The following AGBL1 variants were observed in gnomAD, a reference collection of about 807,000 sequenced individuals.
AGBL1 encodes AGBL carboxypeptidase 1.
Under a neutral mutation model 118.9 loss-of-function variants are expected in AGBL1, and 130 were observed. The observed-to-expected ratio is 1.09, with a 90% confidence interval of 0.95 to 1.26. AGBL1 has a LOEUF of 1.26. Among genes scored for constraint, AGBL1 ranks in the 50% most tolerant of loss-of-function variants. The probability of loss-of-function intolerance (pLI) is 0.00; values close to 1 mark genes in which losing one functional copy is unlikely to be tolerated. For synonymous variants in AGBL1, 555 were observed against 478.9 expected (o/e 1.16, Z -2.08); for missense variants, 1,584 against 1,298.1 (o/e 1.22, Z -3.38).
At chr15:86,709,552 A>C (rs569365956) in intron 22 of AGBL1, among the ~76,000 whole-genome samples, 1 of 152,292 alleles carries the variant, frequency 6.6e-6, no homozygotes, top group East Asian at 1.9e-4. Flanking sequence ...AATGATGCAA[A>C]GACATTCAAC....
chr15:86,683,728 A>G (rs2086003574), intron 22 of AGBL1, among the ~76,000 whole-genome samples: 1 of 152,180 alleles, frequency 6.6e-6, no homozygotes, highest in Non-Finnish European at 1.5e-5. Flanking sequence ...ACTACTCTCT[A>G]TAGCAACTGC....
At chr15:86,413,795 T>G (rs1198208908) in intron 18 of AGBL1, among the ~76,000 whole-genome samples, 1 of 152,170 alleles carries the variant, frequency 6.6e-6, no homozygotes. Flanking sequence ...ATGGATAGTT[T>G]GCAAATATTT....
chr15:86,392,192 ACT>A (rs1461756504), intron 17 of AGBL1, among the ~76,000 whole-genome samples: 1 of 151,074 alleles, frequency 6.6e-6, no homozygotes, highest in African/African-American at 2.5e-5. Flanking sequence ...TCTGTGATGC[ACT>A]CTGTCGTCTA....
intron 21 of AGBL1, among the ~76,000 whole-genome samples, chr15:86,600,585 A>T (rs1175471422): frequency 6.6e-6 from 1 of 152,062 alleles, no homozygotes; most frequent in African/African-American, 2.4e-5. Context: ...CTGTCACCCA[A>T]ACAATCTGCT....
At chr15:86,970,585 G>C (rs2081097105) in intron 23 of AGBL1, among the ~76,000 whole-genome samples, 2 of 151,968 alleles carry the variant, frequency 1.3e-5, no homozygotes, top group African/African-American at 4.8e-5. Flanking sequence ...TATTTTCAGA[G>C]TTAGTTTTCT....
intron 17 of AGBL1, among the ~76,000 whole-genome samples, chr15:86,364,804 G>T (rs539012053): frequency 1.3e-5 from 2 of 151,400 alleles, no homozygotes; most frequent in East Asian, 3.9e-4. Context: ...ACCTGGTAGG[G>T]TCTTCATTTG....
chr15:86,959,017 A>G (rs974801691), intron 23 of AGBL1, among the ~76,000 whole-genome samples: 3 of 152,136 alleles, frequency 2.0e-5, no homozygotes, highest in African/African-American at 7.2e-5. Flanking sequence ...GTTGCCTACA[A>G]ATGTAGTAAG....
intron 19 of AGBL1, among the ~76,000 whole-genome samples, chr15:86,526,573 T>TATATATATATAC (rs1415307184): frequency 1.0e-4 from 12 of 117,610 alleles, no homozygotes; most frequent in African/African-American, 4.2e-4. Flanking sequence ...TATATATATA[T>TATATATATATAC]ACACACAGAG....
intron 17 of AGBL1, among the ~76,000 whole-genome samples, chr15:86,322,525 T>A (rs1365845791): frequency 3.9e-5 from 6 of 152,198 alleles, no homozygotes; most frequent in African/African-American, 1.2e-4. Flanking sequence ...AATTAGATTA[T>A]GTCTTTGGAG....
At chr15:86,940,902 A>G (rs1255225688) in intron 23 of AGBL1, among the ~76,000 whole-genome samples, 1 of 152,206 alleles carries the variant, frequency 6.6e-6, no homozygotes, top group Non-Finnish European at 1.5e-5. Flanking sequence ...TGCTTTCTTC[A>G]GCCCTGCTCT....
At position 86,290,858 on chromosome 15, in the gene AGBL1, A is replaced by T. The variant is rs144349289; in HGVS notation, c.2221-4397A>T. 8.2e-3 allele frequency among the ~76,000 whole-genome samples: 1,235 copies of T among 151,008 alleles called. 22 individuals carry two copies. Among genetic ancestry groups the T allele is most frequent in the African/African-American group, 0.029 (1,180 of 41,098 alleles). ...CTCCCCCTTCCCCCGACCCCACAACAGTCCCTAGAGTGTGATGTTCCCCTT... is the reference window on the plus strand; with the variant it reads ...CTCCCCCTTCCCCCGACCCCACAACTGTCCCTAGAGTGTGATGTTCCCCTT... On this transcript the variant is annotated intron_variant, in intron 16 of 22. Transcript: ENST00000614907.
chr15:86,724,193 G>A (rs375206820), intron 22 of AGBL1, among the ~76,000 whole-genome samples: 15 of 128,540 alleles, frequency 1.2e-4, no homozygotes, highest in South Asian at 5.0e-4. Context: ...CTGCGATAGC[G>A]CCACTGCGCT....
chr15:86,582,689 G>A (rs971017169), intron 21 of AGBL1, among the ~76,000 whole-genome samples: 1 of 152,050 alleles, frequency 6.6e-6, no homozygotes, highest in Non-Finnish European at 1.5e-5. Context: ...CCATGAAAAA[G>A]GATGAGTTCA....
intron 1 of AGBL1, among the ~76,000 whole-genome samples, chr15:86,129,555 G>C (rs189845301): frequency 2.0e-5 from 3 of 152,164 alleles, no homozygotes; most frequent in African/African-American, 7.2e-5. Context: ...TAATGCATTT[G>C]TGTGGTGGTT....
At chr15:86,415,527 C>T (rs1434817162) in intron 18 of AGBL1, among the ~76,000 whole-genome samples, 1 of 152,078 alleles carries the variant, frequency 6.6e-6, no homozygotes, top group Middle Eastern at 3.2e-3. Context: ...CTTATAAGAA[C>T]AGTTATTATA....
intron 22 of AGBL1, among the ~76,000 whole-genome samples, chr15:86,886,797 A>T (rs566628563): frequency 3.9e-5 from 6 of 152,294 alleles, no homozygotes; most frequent in Admixed American, 3.3e-4. Context: ...GCAAGGCCCC[A>T]ACCGTATTTG....
intron 5 of AGBL1, among the ~76,000 whole-genome samples, chr15:86,204,786 C>T (rs890202129): frequency 3.9e-5 from 6 of 152,026 alleles, no homozygotes; most frequent in South Asian, 2.1e-4. Flanking sequence ...GATGGTGTTT[C>T]GCCATGTTGG....
intron 19 of AGBL1, among the ~76,000 whole-genome samples, chr15:86,526,550 A>G (rs867842153): frequency 1.2e-4 from 16 of 135,428 alleles, no homozygotes; most frequent in South Asian, 4.7e-4. Context: ...CTGTGTATAT[A>G]TATATATATA....
At chr15:86,114,562 C>T (rs1897638649) in intron 1 of AGBL1, among the ~76,000 whole-genome samples, 1 of 152,128 alleles carries the variant, frequency 6.6e-6, no homozygotes, top group Non-Finnish European at 1.5e-5. Flanking sequence ...GATGGGAGTC[C>T]CTTTCCAAGA....
Sources: gnomAD v4.1 joint callset for allele counts (sites outside exome capture counted in the v4.1 genomes callset) on GRCh38, gnomAD v4.1.1 for gene constraint, MANE v1.5 for transcripts, NCBI Gene and HGNC (gene_info 2026-07-23, HGNC 2026-07-21) for gene names.